TCOF1: variants seen among roughly 807,000 people sequenced by gnomAD.
TCOF1 encodes treacle protein.
A neutral mutation model predicts 149.0 loss-of-function variants in TCOF1; 33 were observed. The ratio of observed to expected loss-of-function variants is 0.22; its 90% confidence interval spans 0.17 to 0.30. The LOEUF (loss-of-function observed/expected upper bound fraction) is 0.30, where lower values mean the gene tolerates loss of function less well. TCOF1 is among the 10% of genes least tolerant of loss of function. The pLI is 1.00. For synonymous variants in TCOF1, 789 were observed against 738.8 expected, an observed-to-expected ratio of 1.07 and a Z score of -1.10; for missense variants, 1,728 against 1,840.7, an observed-to-expected ratio of 0.94 and a Z score of 1.12.
intron 3 of TCOF1, among the ~76,000 whole-genome samples, chr5:150,366,035 T>C (rs1274182521): frequency 6.6e-6 from 1 of 151,282 alleles, no homozygotes; most frequent in African/African-American, 2.4e-5. Context: ...GGTGGGAGGA[T>C]TACTTGAGCC....
intron 17 of TCOF1, among the ~76,000 whole-genome samples, chr5:150,381,373 A>C (rs534593637): frequency 1.3e-5 from 2 of 152,380 alleles, no homozygotes; most frequent in East Asian, 3.9e-4. Flanking sequence ...GTGGGGCAAG[A>C]CAGGTGACCG....
intron 6 of TCOF1, among the ~76,000 whole-genome samples, chr5:150,371,485 G>C (rs1762508444): frequency 6.6e-6 from 1 of 152,214 alleles, no homozygotes; most frequent in Non-Finnish European, 1.5e-5. Context: ...AGAGGTAGAA[G>C]TAGGGCACTG....
rs778144940 is a variant in TCOF1, at chr5:150,374,658, A to G, written c.1125A>G (p.Ser375=). 9.3e-6 allele frequency: 15 copies of G among 1,613,268 alleles called. No homozygotes were observed. In the African/African-American group the frequency reaches 1.7e-4, roughly 19 times the overall value. The change falls in exon 9 of 27, where the codon TCA becomes TCG. Residue 375 remains serine (S), a synonymous_variant. Coordinates refer to ENST00000643257, the MANE Select transcript of TCOF1 (RefSeq NM_001371623.1). Reference sequence around the variant, plus strand: ...AAACCTCTCAGGTCGGAGCTGCCTCAGCCCCTGCCAAGGAGTCCCCCAGGA... The same window carrying G: ...AAACCTCTCAGGTCGGAGCTGCCTCGGCCCCTGCCAAGGAGTCCCCCAGGA... ...SGKTSQVGAA[S]APAKESPRKG... is the part of the protein sequence containing the mutation.
chr5:150,389,667 C>T (rs556742117), intron 18 of TCOF1, among the ~76,000 whole-genome samples: 1 of 152,342 alleles, frequency 6.6e-6, no homozygotes, highest in East Asian at 1.9e-4. Context: ...CTGGGGTCAC[C>T]CCCAGAGCAG....
At position 150,376,096 on chromosome 5, in the gene TCOF1, G is replaced by A. The variant is rs766121064; in HGVS notation, c.1908G>A (p.Leu636=). ...AMTAAQAKPA[L]KIPQTKACPK... ...TGTCCCCTCAGGCAAAACCAGCTCTGAAAATTCCTCAGACCAAGGCCTGCC... is the reference window on the plus strand; with the variant it reads ...TGTCCCCTCAGGCAAAACCAGCTCTAAAAATTCCTCAGACCAAGGCCTGCC... Residue 636 remains leucine (L), a synonymous_variant, in exon 13 of 27, where the codon CTG becomes CTA. Transcript: ENST00000643257. 16 of 1,614,222 alleles carry A rather than the reference G, an allele frequency of 9.9e-6. No individual in the cohort carries two copies. The highest frequency in any genetic ancestry group is 2.2e-5 in the South Asian group (2 of 91,090).
Position 150,368,687 on chromosome 5 carries a change from G to A in TCOF1, c.379-29G>A, listed in dbSNP as rs1254182982. ...GCTCTTAGTTCACCATGCCATACCA[G>A]ATGTGTCTGTCACTCTTGTTCTCTG... On this transcript the variant is annotated intron_variant, in intron 4 of 26. Coordinates refer to ENST00000643257, the MANE Select transcript of TCOF1 (RefSeq NM_001371623.1). The A allele has an allele frequency of 2.5e-6, 4 of 1,613,598 alleles. No individual in the cohort carries two copies. In the African/African-American group the frequency reaches 5.3e-5, roughly 22 times the overall value.
chr5:150,363,541 G>A (rs186944607), intron 2 of TCOF1, among the ~76,000 whole-genome samples: 5 of 152,366 alleles, frequency 3.3e-5, no homozygotes, highest in African/African-American at 1.2e-4. Flanking sequence ...GGATACTGTA[G>A]TGAGCTGCCA....
Position 150,375,793 on chromosome 5 carries a change from G to A in TCOF1, c.1777G>A (p.Gly593Arg), listed in dbSNP as rs1562356741. Residue 593 changes from glycine to arginine, a missense_variant, in exon 12 of 27, where the codon GGG (glycine) becomes AGG (arginine). Gly to Arg is a moderately radical substitution (Grantham distance 125). Transcript: ENST00000643257. ...SPAKGPPQKA[G>R]PVAVQVKAEK... Reference sequence around the variant, plus strand: ...TGCCAAGGGGCCCCCTCAGAAGGCAGGGCCTGTAGCCGTCCAGGTCAAGGC... The same window carrying A: ...TGCCAAGGGGCCCCCTCAGAAGGCAAGGCCTGTAGCCGTCCAGGTCAAGGC... 1.2e-6 allele frequency: 2 copies of A among 1,614,126 alleles called. No individual in the cohort carries two copies. The highest frequency in any genetic ancestry group is 1.7e-6 in the Non-Finnish European group (2 of 1,180,046).
At chr5:150,359,669 A>G (rs758165797) in intron 1 of TCOF1, among the ~76,000 whole-genome samples, 10 of 152,164 alleles carry the variant, frequency 6.6e-5, no homozygotes, top group Non-Finnish European at 1.2e-4. Context: ...TACCGCAGCT[A>G]TGGTACTTCA....
chr5:150,394,536 T>C (rs1288551967), intron 23 of TCOF1: 1 of 152,240 alleles, frequency 6.6e-6, no homozygotes, highest in Non-Finnish European at 1.5e-5. Context: ...CTACTGGAGC[T>C]AAGGGTCAAA....
intron 19 of TCOF1, among the ~76,000 whole-genome samples, chr5:150,390,385 A>G (rs1023866890): frequency 6.6e-6 from 1 of 152,142 alleles, no homozygotes; most frequent in Non-Finnish European, 1.5e-5. Flanking sequence ...GCATTCTTCC[A>G]AGCCTTTACC....
rs761553471 is a variant in TCOF1, at chr5:150,376,473, C to T, written c.2193C>T (p.Val731=). Residue 731 remains valine (V), a synonymous_variant, in exon 14 of 27, where the codon GTC becomes GTT. Coordinates refer to ENST00000643257, the MANE Select transcript of TCOF1 (RefSeq NM_001371623.1). ...AGGTGAAAGCAGCCTCAGTGCCTGTCAAGGGGTCCTTGGGGCAAGGGACTG... is the reference window on the plus strand; with the variant it reads ...AGGTGAAAGCAGCCTCAGTGCCTGTTAAGGGGTCCTTGGGGCAAGGGACTG... The part of the protein sequence containing the change: ...GLQVKAASVP[V]KGSLGQGTAP... 1.9e-6 allele frequency: 3 copies of T among 1,614,078 alleles called. No homozygotes were observed. The highest frequency in any genetic ancestry group is 1.3e-5 in the African/African-American group (1 of 74,944).
intron 25 of TCOF1, 142 bp from the exon 26 acceptor site, chr5:150,398,880 C>T (rs1581236932): frequency 8.7e-7 from 1 of 1,154,268 alleles, no homozygotes. Context: ...GAGAGCTGAA[C>T]ATCTGTTTGC....
chr5:150,377,671 C>T (rs541030048), intron 14 of TCOF1, among the ~76,000 whole-genome samples: 2 of 152,216 alleles, frequency 1.3e-5, no homozygotes, highest in Non-Finnish European at 2.9e-5. Context: ...TTTTTAAGCT[C>T]TGCAGGGGCC....
chr5:150,385,134 G>A, intron 17 of TCOF1: 1 of 951,884 alleles, frequency 1.1e-6, no homozygotes, highest in Non-Finnish European at 1.3e-6. Flanking sequence ...AAAACATCAT[G>A]TTATATACCA....
Position 150,375,728 on chromosome 5 carries a change from C to T in TCOF1, c.1712C>T (p.Ser571Phe). The change falls in exon 12 of 27, where the codon TCC (serine) becomes TTC (phenylalanine). Residue 571 changes from serine to phenylalanine, a missense_variant. By Grantham distance (155) the Ser-to-Phe change is radical (BLOSUM62 -2). This residue lies in a region of TCOF1 where 1,696 missense variants were observed against 1,765.4 expected (regional missense o/e 0.96). Transcript: ENST00000643257. ...CTGTGTATCTCACTCCAGGAAAAGTCCTTGGGGAACATCCTCCAGGCCAAA... is the reference window on the plus strand; with the variant it reads ...CTGTGTATCTCACTCCAGGAAAAGTTCTTGGGGAACATCCTCCAGGCCAAA... The part of the protein sequence containing the change: ...PTAVAPAQEK[S>F]LGNILQAKPT... 1.9e-6 allele frequency: 3 copies of T among 1,614,266 alleles called. No individual in the cohort carries two copies. Among genetic ancestry groups the T allele is most frequent in the Non-Finnish European group, 2.5e-6 (3 of 1,180,050 alleles).
intron 2 of TCOF1, among the ~76,000 whole-genome samples, chr5:150,363,087 A>G (rs1760533721): frequency 6.6e-6 from 1 of 151,984 alleles, no homozygotes. Flanking sequence ...AAGTGCTAAA[A>G]CTACCGGTTG....
intron 17 of TCOF1, 147 bp from the exon 18 acceptor site, chr5:150,387,755 C>A: frequency 9.0e-7 from 1 of 1,106,410 alleles, no homozygotes; most frequent in South Asian, 1.5e-5. Flanking sequence ...GGAGGGGGCA[C>A]CCTGGGCAGC....
At chr5:150,394,639 TG>T (rs1768063099) in intron 23 of TCOF1, 1 of 152,120 alleles carries the variant, frequency 6.6e-6, no homozygotes, top group Non-Finnish European at 1.5e-5. Flanking sequence ...AAAGTGGGCC[TG>T]GCGCAGTGGC....
Sources: gnomAD v4.1 joint callset for allele counts (sites outside exome capture counted in the v4.1 genomes callset) on GRCh38, gnomAD v4.1.1 for gene constraint, gnomAD v4.1.1 regional missense constraint, MANE v1.5 for transcripts, NCBI Gene and HGNC (gene_info 2026-07-23, HGNC 2026-07-21) for gene names.